The following AKR1B10 variants were observed in gnomAD, a reference collection of about 807,000 sequenced individuals.
The protein encoded by AKR1B10 is aldo-keto reductase family 1 member B10, also known as ARP.
AKR1B10 carries 39 observed loss-of-function variants against 38.9 expected under a neutral mutation model. The ratio of observed to expected loss-of-function variants is 1.00; its 90% CI spans 0.78 to 1.31. AKR1B10 has a LOEUF of 1.31. Among genes scored for constraint, AKR1B10 ranks in the 50% most tolerant of loss-of-function variants. The pLI, the probability that AKR1B10 is intolerant of heterozygous loss-of-function variation, is 0.00. For missense variants in AKR1B10, 361 were observed against 382.6 expected, an observed-to-expected ratio of 0.94 and a Z score of 0.47; for synonymous variants, 148 against 141.2, an observed-to-expected ratio of 1.05 and a Z score of -0.34.
chr7:134,528,381 C>T (rs1219988634), intron 1 of AKR1B10, among the ~76,000 whole-genome samples: 6 of 152,172 alleles, frequency 3.9e-5, no homozygotes, highest in South Asian at 2.1e-4. Flanking sequence ...TTGCAGATCA[C>T]GGTGTGAGAC....
chr7:134,530,913 C>G (rs548193346), intron 2 of AKR1B10, 103 bp downstream of exon 2: 2 of 1,418,320 alleles, frequency 1.4e-6, no homozygotes, highest in Non-Finnish European at 1.9e-6. Context: ...ACATGTACCC[C>G]TTTTCATCTC....
At chr7:134,534,386 T>C (rs1470578727) in intron 4 of AKR1B10, among the ~76,000 whole-genome samples, 2 of 152,164 alleles carry the variant, frequency 1.3e-5, no homozygotes. Context: ...CCTCCCAAAG[T>C]GCTCAGATTA....
At chr7:134,535,552 G>C (rs1051702017) in intron 4 of AKR1B10, 1 of 941,920 alleles carries the variant, frequency 1.1e-6, no homozygotes, top group Non-Finnish European at 1.3e-6. Flanking sequence ...GCCTTCCTGT[G>C]TCATATGCTC....
chr7:134,540,447 G>A (rs1373314910), intron 9 of AKR1B10, among the ~76,000 whole-genome samples: 3 of 152,142 alleles, frequency 2.0e-5, no homozygotes, highest in Admixed American at 6.5e-5. Flanking sequence ...CATCATTTCT[G>A]GCAATGGGTA....
chr7:134,535,608 T>TTTTTA, intron 4 of AKR1B10: 5 of 880,708 alleles, frequency 5.7e-6, no homozygotes, highest in Non-Finnish European at 5.3e-6. Context: ...TTTTTTTTTT[T>TTTTTA]CTTTTGAGGC....
Position 134,539,017 on chromosome 7 carries a change from A to G in AKR1B10, c.908A>G (p.Gln303Arg), listed in dbSNP as rs572616596. Residue 303 changes from glutamine (Q) to arginine (R), a missense_variant and splice_region_variant, in exon 9 of 10, where the codon CAA (glutamine) becomes CGA (arginine). Transcript: ENST00000359579. ...AACTGGAGGGCCTGTAACGTGTTGC[A>G]GTAAGTGGCATGGAGTTAACTAGAA... Reference protein sequence around the residue: ...NRNWRACNVLQSSHLEDYPFN... With the variant: ...NRNWRACNVLRSSHLEDYPFN... 2 of 1,614,084 alleles carry G rather than the reference A, an allele frequency of 1.2e-6. No individual in the cohort carries two copies. The highest frequency in any genetic ancestry group is 2.2e-5 in the East Asian group (1 of 44,842).
chr7:134,537,782 A>T, intron 7 of AKR1B10, 121 bp downstream of exon 7: 1 of 1,220,518 alleles, frequency 8.2e-7, no homozygotes, highest in Non-Finnish European at 1.1e-6. Flanking sequence ...GAAGCCCTCT[A>T]AAGTGTTTCC....
At chr7:134,531,809 T>C in intron 2 of AKR1B10, 99 bp from the exon 3 acceptor site, 2 of 1,360,858 alleles carry the variant, frequency 1.5e-6, no homozygotes, top group East Asian at 4.6e-5. Context: ...TGGCTTGTGG[T>C]GGGTTAGATG....
chr7:134,540,274 A>G (rs1483604195), intron 9 of AKR1B10, among the ~76,000 whole-genome samples: 2 of 152,142 alleles, frequency 1.3e-5, no homozygotes, highest in African/African-American at 2.4e-5. Context: ...ATGATATTCC[A>G]TATCTATCCT....
chr7:134,536,975 T>G, intron 5 of AKR1B10, 76 bp from the exon 6 acceptor site: 1 of 1,563,382 alleles, frequency 6.4e-7, no homozygotes, highest in Non-Finnish European at 8.7e-7. Context: ...TGGACTTTTT[T>G]TGTGTGTAGA....
chr7:134,530,909 A>G lies in AKR1B10; in HGVS notation c.234+99A>G, dbSNP rs1585751013. On this transcript the variant is annotated intron_variant, in intron 2 of 9. Transcript: ENST00000359579. ...AACTCTGTCAGCCTTTTCTACATGT[A>G]CCCCTTTTCATCTCTGCCTTGATAA... 19 of 1,447,578 alleles carry G rather than the reference A, an allele frequency of 1.3e-5. No individual in the cohort carries two copies. In the South Asian group the frequency reaches 2.6e-4, roughly 20 times the overall value. 89.7% of individuals were successfully genotyped at this position (1,447,578 alleles called of 1,614,324 possible).
At chr7:134,539,941 A>T (rs973680434) in intron 9 of AKR1B10, among the ~76,000 whole-genome samples, 3 of 152,200 alleles carry the variant, frequency 2.0e-5, no homozygotes, top group Admixed American at 2.0e-4. Context: ...TTTAAAAATG[A>T]TTTCGGCTGG....
At chr7:134,540,996 G>C (rs1428232994) in intron 9 of AKR1B10, 51 bp from the exon 10 acceptor site, 7 of 1,338,524 alleles carry the variant, frequency 5.2e-6, no homozygotes, top group Non-Finnish European at 7.4e-6. Flanking sequence ...CAGAGTTGTT[G>C]TTTTGATGGA....
At position 134,536,709 on chromosome 7, in the gene AKR1B10, C is replaced by A; in HGVS notation, c.489C>A (p.Ser163Arg). Reference sequence around the variant, plus strand: ...AAGCCCTTGGGGTCTCCAATTTCAGCCACTTCCAGATCGAGAAGCTCTTGA... The same window carrying A: ...AAGCCCTTGGGGTCTCCAATTTCAGACACTTCCAGATCGAGAAGCTCTTGA... ...LVKALGVSNF[S>R]HFQIEKLLNK... is the part of the protein sequence containing the mutation. The change falls in exon 5 of 10, where the codon AGC (serine) becomes AGA (arginine). Residue 163 changes from serine (S) to arginine (R), a missense_variant. By Grantham distance (110) the Ser-to-Arg change is moderately radical. Coordinates refer to ENST00000359579, the MANE Select transcript of AKR1B10 (RefSeq NM_020299.5). The A allele has an allele frequency of 2.5e-6, 4 of 1,613,902 alleles. No homozygotes were observed. Among genetic ancestry groups the A allele is most frequent in the Non-Finnish European group, 3.4e-6 (4 of 1,179,824 alleles).
intron 4 of AKR1B10, chr7:134,535,589 T>C (rs1173743544): frequency 1.8e-5 from 15 of 812,210 alleles, no homozygotes; most frequent in East Asian, 1.3e-4. Flanking sequence ...TTCTGTCTTT[T>C]TTTTTTTTTT....
chr7:134,530,872 G>C lies in AKR1B10; in HGVS notation c.234+62G>C, dbSNP rs1807836659. On this transcript the variant is annotated intron_variant, in intron 2 of 9. Transcript: ENST00000359579. ...AGGCAGGCAGAAGTATCTGGGTCGGGTTGGCAGCAAGAACTCTGTCAGCCT... is the reference window on the plus strand; with the variant it reads ...AGGCAGGCAGAAGTATCTGGGTCGGCTTGGCAGCAAGAACTCTGTCAGCCT... The C allele has an allele frequency of 3.2e-6, 5 of 1,549,692 alleles. No individual in the cohort carries two copies. In the East Asian group the frequency reaches 9.0e-5, roughly 28 times the overall value.
In AKR1B10 at chr7:134,538,288, G is replaced by A. The variant is rs781633072; in HGVS notation, c.825+11G>A. 3.9e-5 allele frequency: 63 copies of A among 1,612,396 alleles called. 1 individual carries two copies. The highest frequency in any genetic ancestry group is 1.5e-4 in the South Asian group (14 of 90,936). Reference sequence around the variant, plus strand: ...GTTGAGAACATTCAGGTAAGTTTCCGGCTGGTCGGCCCTGGTATTCCTCAG... The same window carrying A: ...GTTGAGAACATTCAGGTAAGTTTCCAGCTGGTCGGCCCTGGTATTCCTCAG... On this transcript the variant is annotated intron_variant, in intron 8 of 9. Transcript: ENST00000359579.
In AKR1B10 at chr7:134,537,575, C is replaced by T. The variant is rs532891726; in HGVS notation, c.660-5C>T. 1.9e-5 allele frequency: 30 copies of T among 1,613,554 alleles called. No homozygotes were observed. In the South Asian group the frequency reaches 3.0e-4, roughly 16 times the overall value. On this transcript the variant is annotated splice_polypyrimidine_tract_variant and splice_region_variant and intron_variant, in intron 6 of 9. Coordinates refer to ENST00000359579, the MANE Select transcript of AKR1B10 (RefSeq NM_020299.5). ...TTATTCACATCAGCATCTTTCTGCC[C>T]CTAGGGCCAAGCCAGAAGACCCTTC...
intron 9 of AKR1B10, among the ~76,000 whole-genome samples, chr7:134,540,314 C>G (rs912960197): frequency 1.3e-5 from 2 of 152,180 alleles, no homozygotes; most frequent in Non-Finnish European, 2.9e-5. Flanking sequence ...GGAGCCTTTC[C>G]TCATCTTACA....
Sources: gnomAD v4.1 joint callset for allele counts (sites outside exome capture counted in the v4.1 genomes callset) on GRCh38, gnomAD v4.1.1 for gene constraint, MANE v1.5 for transcripts, NCBI Gene and HGNC (gene_info 2026-07-23, HGNC 2026-07-21) for gene names.